The following CDH13 variants were observed in gnomAD, a reference collection of about 807,000 sequenced individuals.
The protein encoded by CDH13 is cadherin-13.
A neutral mutation model predicts 63.8 loss-of-function variants in CDH13; 24 were observed. That is an observed-to-expected ratio of 0.38 (90% CI 0.27 to 0.53). CDH13 has a LOEUF of 0.53. Among genes scored for constraint, CDH13 ranks in the 20% least tolerant of loss-of-function variants. The pLI is 0.85. For missense variants in CDH13, 1,049 were observed against 903.1 expected (o/e 1.16, Z -2.07); for synonymous variants, 503 against 355.3 (o/e 1.42, Z -4.67).
At chr16:83,208,240 C>G (rs937261662) in intron 4 of CDH13, among the ~76,000 whole-genome samples, 3 of 152,134 alleles carry the variant, frequency 2.0e-5, no homozygotes, top group African/African-American at 7.2e-5. Context: ...CCTTAGTTCC[C>G]TGGCTAATTT....
At chr16:82,778,052 C>G (rs1211723632) in intron 1 of CDH13, among the ~76,000 whole-genome samples, 1 of 152,160 alleles carries the variant, frequency 6.6e-6, no homozygotes, top group Non-Finnish European at 1.5e-5. Flanking sequence ...GTCAGTAAGT[C>G]CACCCCACCC....
intron 7 of CDH13, among the ~76,000 whole-genome samples, chr16:83,489,495 T>A (rs1028068863): frequency 2.0e-5 from 3 of 152,198 alleles, no homozygotes; most frequent in Non-Finnish European, 4.4e-5. Flanking sequence ...TTAGGCAAGC[T>A]TTGGCTAGTT....
chr16:83,590,884 G>A (rs1364344906), intron 7 of CDH13, among the ~76,000 whole-genome samples: 2 of 141,198 alleles, frequency 1.4e-5, no homozygotes, highest in East Asian at 4.3e-4. Context: ...CTGTGTTTTA[G>A]TACACCCACC....
At chr16:83,644,797 G>A (rs915534226) in intron 8 of CDH13, among the ~76,000 whole-genome samples, 2 of 152,168 alleles carry the variant, frequency 1.3e-5, no homozygotes, top group Non-Finnish European at 2.9e-5. Flanking sequence ...GCAATTGGAC[G>A]GATACTAATA....
intron 1 of CDH13, among the ~76,000 whole-genome samples, chr16:82,815,487 C>A (rs909577799): frequency 2.6e-5 from 4 of 152,094 alleles, no homozygotes; most frequent in African/African-American, 4.8e-5. Flanking sequence ...CAGAACAATG[C>A]GTGGAACATG....
intron 5 of CDH13, among the ~76,000 whole-genome samples, chr16:83,337,606 T>G (rs1415927712): frequency 7.0e-6 from 1 of 142,930 alleles, no homozygotes; most frequent in Non-Finnish European, 1.5e-5. Context: ...ATTTGAGAAT[T>G]AAATTGACAA....
rs571968766 is a variant in CDH13 at position 82,667,460 on chromosome 16, A to G, written c.45+40323A>G. On this transcript the variant is annotated intron_variant, in intron 1 of 13. Transcript: ENST00000567109. ...TGAAATAATTCCTCCACTCATTCCC[A>G]TCTGCTATTGGCCATATGTTGGCTC... 3.3e-5 allele frequency among the ~76,000 whole-genome samples: 5 copies of G among 152,286 alleles called. No homozygotes were observed. In the South Asian group the frequency reaches 8.3e-4, roughly 25 times the overall value.
intron 3 of CDH13, among the ~76,000 whole-genome samples, chr16:83,117,702 TC>T (rs1384066609): frequency 6.6e-6 from 1 of 152,126 alleles, no homozygotes; most frequent in Admixed American, 6.5e-5. Flanking sequence ...TTAATATGAA[TC>T]TATTCTCTCG....
At chr16:83,163,396 G>C (rs191212484) in intron 4 of CDH13, among the ~76,000 whole-genome samples, 3 of 152,038 alleles carry the variant, frequency 2.0e-5, no homozygotes, top group African/African-American at 7.2e-5. Flanking sequence ...TGCACCCCAG[G>C]TAACATAAAA....
intron 1 of CDH13, among the ~76,000 whole-genome samples, chr16:82,665,511 T>G (rs1210651077): frequency 1.3e-5 from 2 of 152,168 alleles, no homozygotes; most frequent in African/African-American, 4.8e-5. Context: ...GGTGACTTCA[T>G]AGAACATAAG....
At chr16:83,647,497 C>T (rs1567478964) in intron 8 of CDH13, among the ~76,000 whole-genome samples, 1 of 152,084 alleles carries the variant, frequency 6.6e-6, no homozygotes, top group Admixed American at 6.5e-5. Flanking sequence ...GAAACACTCC[C>T]TTCCTACAAC....
intron 7 of CDH13, among the ~76,000 whole-genome samples, chr16:83,599,143 G>T (rs535960825): frequency 3.9e-5 from 6 of 152,222 alleles, no homozygotes; most frequent in African/African-American, 1.4e-4. Context: ...GAGGGAGTGG[G>T]TATCAGGACA....
intron 6 of CDH13, among the ~76,000 whole-genome samples, chr16:83,372,959 C>G (rs2091399526): frequency 6.6e-6 from 1 of 151,954 alleles, no homozygotes; most frequent in Admixed American, 6.6e-5. Flanking sequence ...CAAGTGAAAT[C>G]TTTATAGGAG....
At chr16:82,726,955 C>G (rs1237251393) in intron 1 of CDH13, among the ~76,000 whole-genome samples, 2 of 152,176 alleles carry the variant, frequency 1.3e-5, no homozygotes, top group African/African-American at 4.8e-5. Flanking sequence ...CAGCAGGGAC[C>G]TGTCTTTGAT....
At chr16:83,056,657 A>G (rs768049907) in intron 3 of CDH13, among the ~76,000 whole-genome samples, 1 of 152,130 alleles carries the variant, frequency 6.6e-6, no homozygotes, top group Non-Finnish European at 1.5e-5. Flanking sequence ...GATGGTGGTG[A>G]TATGGTTTGG....
At chr16:83,220,582 AC>A (rs1391383944) in intron 5 of CDH13, among the ~76,000 whole-genome samples, 6 of 151,716 alleles carry the variant, frequency 4.0e-5, no homozygotes, top group Non-Finnish European at 5.9e-5. Flanking sequence ...GTGCACATGT[AC>A]CATAGAACTT....
rs571073896 is a variant in CDH13, at chr16:83,528,246, A to G, written c.960+41591A>G. On this transcript the variant is annotated intron_variant, in intron 7 of 13. Coordinates refer to ENST00000567109, the MANE Select transcript of CDH13 (RefSeq NM_001257.5). ...CTGCAGCTATTCCAAAAGGAACACT[A>G]TAACTGGCTATTTGCCATAATAAGG... Among the ~76,000 whole-genome samples the G allele has an allele frequency of 4.8e-4, 73 of 152,382 alleles. No individual in the cohort carries two copies. The South Asian group carries it at 0.014, about 29-fold the overall frequency.
rs540981403 is a variant in CDH13, at chr16:83,375,175, A to G, written c.781+30169A>G. Among the ~76,000 whole-genome samples, 9 of 152,358 alleles carry G rather than the reference A, an allele frequency of 5.9e-5. No individual in the cohort carries two copies. The South Asian group carries it at 8.3e-4, about 14-fold the overall frequency. On this transcript the variant is annotated intron_variant, in intron 6 of 13. Coordinates refer to ENST00000567109, the MANE Select transcript of CDH13 (RefSeq NM_001257.5). ...TCACTGTACTACTCTCAGGCATGCA[A>G]TGAGCTAGGCAAAGCTGTTTAGTTA...
At chr16:82,847,576 A>C (rs1194501073) in intron 1 of CDH13, among the ~76,000 whole-genome samples, 2 of 152,230 alleles carry the variant, frequency 1.3e-5, no homozygotes, top group East Asian at 3.9e-4. Context: ...ACGTGATTAC[A>C]TAATCCAGGA....
Sources: gnomAD v4.1 joint callset for allele counts (sites outside exome capture counted in the v4.1 genomes callset) on GRCh38, gnomAD v4.1.1 for gene constraint, MANE v1.5 for transcripts, NCBI Gene and HGNC (gene_info 2026-07-23, HGNC 2026-07-21) for gene names.